The following NT5M variants were observed in gnomAD, a reference collection of about 807,000 sequenced individuals.
NT5M encodes 5',3'-nucleotidase, mitochondrial.
NT5M carries 22 observed loss-of-function variants against 22.2 expected under a neutral mutation model. The ratio of observed to expected loss-of-function variants is 0.99; its 90% confidence interval spans 0.71 to 1.41. The LOEUF (loss-of-function observed/expected upper bound fraction) is 1.41, where lower values mean the gene tolerates loss of function less well. Among genes scored for constraint, NT5M ranks in the 40% most tolerant of loss-of-function variants. The pLI is 0.00. For synonymous variants in NT5M, 167 were observed against 133.0 expected, an observed-to-expected ratio of 1.26 and a Z score of -1.76; for missense variants, 322 against 314.8, an observed-to-expected ratio of 1.02 and a Z score of -0.17.
intron 3 of NT5M, among the ~76,000 whole-genome samples, 178 bp downstream of exon 3, chr17:17,323,423 T>C (rs2049197899): frequency 6.6e-6 from 1 of 152,174 alleles, no homozygotes; most frequent in African/African-American, 2.4e-5. Context: ...GGGCCTCTTA[T>C]GATGCAGGTT....
At chr17:17,326,034 A>G (rs2049259721) in intron 3 of NT5M, among the ~76,000 whole-genome samples, 1 of 152,188 alleles carries the variant, frequency 6.6e-6, no homozygotes, top group Non-Finnish European at 1.5e-5. Context: ...CACCCAGCGC[A>G]GGGTGGCACA....
chr17:17,318,175 C>T (rs1033259709), intron 2 of NT5M, among the ~76,000 whole-genome samples: 6 of 151,274 alleles, frequency 4.0e-5, no homozygotes, highest in African/African-American at 1.2e-4. Flanking sequence ...GAATATGTTT[C>T]AGCTATAAAA....
intron 3 of NT5M, among the ~76,000 whole-genome samples, chr17:17,325,299 G>A (rs574608262): frequency 6.6e-6 from 1 of 152,170 alleles, no homozygotes; most frequent in African/African-American, 2.4e-5. Context: ...GCGTTGCCTC[G>A]GCCCGGGACT....
rs113865078 is a variant in NT5M at position 17,311,547 on chromosome 17, A to G, written c.368+4904A>G. On this transcript the variant is annotated intron_variant, in intron 2 of 4. Coordinates refer to ENST00000389022, the MANE Select transcript of NT5M (RefSeq NM_020201.4). ...CTTGCTGAGAATTAATTGAGCATCA[A>G]TATAAGGATTTATTTCTAGACTTAG... is the stretch of plus-strand genomic sequence containing the variant. Among the ~76,000 whole-genome samples the G allele has an allele frequency of 5.1e-3, 783 of 152,272 alleles. 7 individuals are homozygous for G. Among genetic ancestry groups the G allele is most frequent in the African/African-American group, 0.018 (753 of 41,548 alleles).
rs578236638 is a variant in NT5M, at chr17:17,317,755, A to G, written c.369-5430A>G. 3.3e-5 allele frequency among the ~76,000 whole-genome samples: 5 copies of G among 152,190 alleles called. No homozygotes were observed. In the East Asian group the frequency reaches 7.8e-4, roughly 24 times the overall value. ...CATGGAGGGCGAATCACCTGAGGTC[A>G]AGAGTTTGAGACCAGCCTGGCCAAC... On this transcript the variant is annotated intron_variant, in intron 2 of 4. Coordinates refer to ENST00000389022, the MANE Select transcript of NT5M (RefSeq NM_020201.4).
intron 2 of NT5M, among the ~76,000 whole-genome samples, chr17:17,309,006 C>A (rs1382127649): frequency 6.6e-6 from 1 of 152,084 alleles, no homozygotes; most frequent in Non-Finnish European, 1.5e-5. Context: ...ATGTATTGAT[C>A]CATTTATCAG....
intron 2 of NT5M, among the ~76,000 whole-genome samples, chr17:17,322,078 C>A (rs1430650385): frequency 6.6e-6 from 1 of 151,852 alleles, no homozygotes; most frequent in Non-Finnish European, 1.5e-5. Flanking sequence ...TATGCACACA[C>A]ATATATGTGG....
At chr17:17,330,428 T>A (rs2049354409) in intron 3 of NT5M, among the ~76,000 whole-genome samples, 1 of 150,252 alleles carries the variant, frequency 6.7e-6, no homozygotes, top group Non-Finnish European at 1.5e-5. Flanking sequence ...CAGGCTGGAA[T>A]GCAATGGCGT....
chr17:17,336,544 TTTTTC>T (rs1597794726), intron 3 of NT5M, among the ~76,000 whole-genome samples: 1 of 150,030 alleles, frequency 6.7e-6, no homozygotes, highest in East Asian at 1.9e-4. Flanking sequence ...CTCTCATTCT[TTTTTC>T]TTTTCTTTTT....
At chr17:17,311,338 CA>C (rs11395505) in intron 2 of NT5M, among the ~76,000 whole-genome samples, 50 of 142,920 alleles carry the variant, frequency 3.5e-4, no homozygotes, top group African/African-American at 6.5e-4. Context: ...GACTCTGTCT[CA>C]AAAAAAAAAA....
chr17:17,324,240 C>T (rs990655847), intron 3 of NT5M, among the ~76,000 whole-genome samples: 6 of 151,034 alleles, frequency 4.0e-5, no homozygotes, highest in Non-Finnish European at 8.9e-5. Flanking sequence ...TCCCAGAACT[C>T]TGGGAGGCCG....
chr17:17,326,572 T>C (rs2049271501), intron 3 of NT5M, among the ~76,000 whole-genome samples: 1 of 152,158 alleles, frequency 6.6e-6, no homozygotes, highest in Non-Finnish European at 1.5e-5. Context: ...GCAGACCGTC[T>C]CTCCAGCAAA....
At chr17:17,305,413 C>CCCCCCCCCCCCCT (rs1567877233) in intron 1 of NT5M, among the ~76,000 whole-genome samples, 3 of 124,976 alleles carry the variant, frequency 2.4e-5, no homozygotes, top group Non-Finnish European at 5.3e-5. Context: ...CCCCCGCCCC[C>CCCCCCCCCCCCCT]ACACACGTGG....
rs1361482020 is a variant in NT5M, at chr17:17,303,427, G to A, written c.-124G>A. The A allele has an allele frequency of 2.0e-6, 2 of 989,976 alleles. No homozygotes were observed. The highest frequency in any genetic ancestry group is 3.5e-5 in the African/African-American group (2 of 57,318). The allele number at this position is 989,976 out of a possible 1,614,324, so 61.3% of individuals were successfully genotyped here. On this transcript the variant is annotated 5_prime_UTR_variant, in exon 1 of 5. Transcript: ENST00000389022. ...CCCCGCGCTCCCCGCCCCGCTCCCC[G>A]TCCCGCGCTCCACGCGCGCCCCAGC...
intron 2 of NT5M, among the ~76,000 whole-genome samples, chr17:17,308,333 C>T (rs1260392629): frequency 2.0e-5 from 3 of 152,158 alleles, no homozygotes; most frequent in Admixed American, 1.3e-4. Flanking sequence ...GTGGCTCATG[C>T]CTACAATCCC....
At chr17:17,314,547 T>C (rs1426951919) in intron 2 of NT5M, among the ~76,000 whole-genome samples, 1 of 152,290 alleles carries the variant, frequency 6.6e-6, no homozygotes, top group Non-Finnish European at 1.5e-5. Context: ...CAGAGTGATA[T>C]TTTTTAAACC....
At chr17:17,304,396 C>T in intron 1 of NT5M, 1 of 985,418 alleles carries the variant, frequency 1.0e-6, no homozygotes, top group Non-Finnish European at 1.2e-6. Flanking sequence ...AGCTCAACCC[C>T]TACCATCCGA....
chr17:17,338,216 G>A (rs1460021719), intron 3 of NT5M, among the ~76,000 whole-genome samples: 2 of 148,694 alleles, frequency 1.3e-5, no homozygotes, highest in Non-Finnish European at 1.5e-5. Flanking sequence ...TTTTTGAGAC[G>A]GAGTCTTACT....
intron 3 of NT5M, among the ~76,000 whole-genome samples, chr17:17,340,156 G>A (rs2049607373): frequency 6.6e-6 from 1 of 152,070 alleles, no homozygotes; most frequent in African/African-American, 2.4e-5. Flanking sequence ...TTCAGTTGTT[G>A]TTACTTGTTA....
Sources: allele counts gnomAD v4.1 joint callset (sites outside exome capture counted in the v4.1 genomes callset), GRCh38; gene constraint gnomAD v4.1.1; transcripts MANE v1.5; gene names NCBI Gene and HGNC (gene_info 2026-07-23, HGNC 2026-07-21).